DPP4: variants seen among roughly 807,000 people sequenced by gnomAD.
DPP4 encodes the protein ADCP-2.
Under a neutral mutation model 122.4 loss-of-function variants are expected in DPP4, and 93 were observed. The ratio of observed to expected loss-of-function variants is 0.76; its 90% CI spans 0.64 to 0.90. The LOEUF (loss-of-function observed/expected upper bound fraction) is 0.90. DPP4 is among the 40% of genes least tolerant of loss of function. DPP4 has a pLI of 0.00. For missense variants in DPP4, 914 were observed against 907.3 expected (o/e 1.01, Z -0.09); for synonymous variants, 321 against 302.9 (o/e 1.06, Z -0.62).
At chr2:162,064,039 G>A (rs151249204) in intron 2 of DPP4, among the ~76,000 whole-genome samples, 1,760 of 152,244 alleles carry the variant, frequency 0.012, 23 homozygotes, top group East Asian at 0.038. Context: ...CTTGGGAGGG[G>A]AGCCGATACA....
chr2:162,064,903 C>A (rs1684898350), intron 2 of DPP4, among the ~76,000 whole-genome samples: 1 of 152,176 alleles, frequency 6.6e-6, no homozygotes, highest in South Asian at 2.1e-4. Context: ...TTTTGGAGAT[C>A]AGAGCTGGCT....
In DPP4 at chr2:162,045,569, T is replaced by C; in HGVS notation, c.329A>G (p.Asp110Gly). The change falls in exon 5 of 26, where the codon GAT becomes GGT. Residue 110 changes from aspartate (D) to glycine (G), a missense_variant. By Grantham distance (94) the Asp-to-Gly change is moderately conservative. Transcript: ENST00000360534. ...HSINDYSISPDGQFILLEYNY... is the reference protein window; with the variant it reads ...HSINDYSISPGGQFILLEYNY... ...GTATTCTAAGAGAATAAACTGCCCATCAGGAGATATTGAATAATCATTGAT... is the reference window on the plus strand; with the variant it reads ...GTATTCTAAGAGAATAAACTGCCCACCAGGAGATATTGAATAATCATTGAT... 1 of 1,612,856 alleles carries C rather than the reference T, an allele frequency of 6.2e-7. No individual in the cohort carries two copies. Among genetic ancestry groups the C allele is most frequent in the Non-Finnish European group, 8.5e-7 (1 of 1,179,026 alleles).
chr2:162,009,124 C>T (rs1415193058), intron 21 of DPP4, 117 bp downstream of exon 21: 1 of 1,082,974 alleles, frequency 9.2e-7, no homozygotes, highest in Non-Finnish European at 1.4e-6. Flanking sequence ...GCCCAGAGAC[C>T]TAAGACTTGA....
chr2:162,035,027 C>T (rs1008631167), intron 9 of DPP4, 137 bp downstream of exon 9: 6 of 750,460 alleles, frequency 8.0e-6, no homozygotes, highest in East Asian at 2.7e-5. Flanking sequence ...TTGCCAGATG[C>T]TGTTGACTTC....
intron 2 of DPP4, among the ~76,000 whole-genome samples, chr2:162,048,910 C>G (rs1404625673): frequency 6.6e-6 from 1 of 152,172 alleles, no homozygotes; most frequent in Non-Finnish European, 1.5e-5. Context: ...CAGTTCAATT[C>G]CACAGTAGGC....
chr2:162,039,182 T>C lies in DPP4; in HGVS notation c.369A>G (p.Gln123=), dbSNP rs748199593. 4 of 1,612,322 alleles carry C rather than the reference T, an allele frequency of 2.5e-6. No homozygotes were observed. Among genetic ancestry groups the C allele is most frequent in the Non-Finnish European group, 3.4e-6 (4 of 1,179,274 alleles). Residue 123 remains glutamine, a splice_region_variant and synonymous_variant, in exon 6 of 26, where the codon CAA becomes CAG. Coordinates refer to ENST00000360534, the MANE Select transcript of DPP4 (RefSeq NM_001935.4). Reference sequence around the variant, plus strand: ...ATGAAGCTGTGTAGGAATGCCTCCATTGCTATGAAAGAAAACAGACATTTC... The same window carrying C: ...ATGAAGCTGTGTAGGAATGCCTCCACTGCTATGAAAGAAAACAGACATTTC... ...FILLEYNYVK[Q]WRHSYTASYD...
chr2:162,051,535 A>G (rs1684383988), intron 2 of DPP4, among the ~76,000 whole-genome samples: 1 of 152,276 alleles, frequency 6.6e-6, no homozygotes, highest in Admixed American at 6.5e-5. Context: ...GTTGTTAAAA[A>G]CAGGCAAAAG....
chr2:162,015,707 T>C (rs1045618123), intron 18 of DPP4, among the ~76,000 whole-genome samples: 1 of 152,068 alleles, frequency 6.6e-6, no homozygotes, highest in Non-Finnish European at 1.5e-5. Flanking sequence ...CCATCCTACA[T>C]CCTGTCTCAA....
At chr2:162,049,292 C>T (rs1273446880) in intron 2 of DPP4, among the ~76,000 whole-genome samples, 2 of 152,190 alleles carry the variant, frequency 1.3e-5, no homozygotes, top group Non-Finnish European at 2.9e-5. Context: ...GAATACTATG[C>T]AGCCATGAAA....
In DPP4 at chr2:162,011,975, T is replaced by G. The variant is rs541319254; in HGVS notation, c.1650A>C (p.Pro550=). The G allele has an allele frequency of 6.2e-7, 1 of 1,612,986 alleles. No individual in the cohort carries two copies. Among genetic ancestry groups the G allele is most frequent in the Non-Finnish European group, 8.5e-7 (1 of 1,179,264 alleles). ...AGACAGTGTCTGCTTTTTGACTACATGGGCCTGCATACCTATGAAAAATAC... is the reference window on the plus strand; with the variant it reads ...AGACAGTGTCTGCTTTTTGACTACAGGGGCCTGCATACCTATGAAAAATAC... ...YPLLLDVYAG[P]CSQKADTVFR... is the part of the protein sequence containing the mutation. Residue 550 remains proline, a synonymous_variant, in exon 20 of 26, where the codon CCA becomes CCC. Transcript: ENST00000360534.
rs1700892031 is a variant in DPP4 at position 161,992,591 on chromosome 2, T to C, written c.*692A>G. On this transcript the variant is annotated 3_prime_UTR_variant, in exon 26 of 26. Transcript: ENST00000360534. Reference sequence around the variant, plus strand: ...TCCCATCACCCTTGCTGTGTTTTTGTAGCACCTATAGCCATAACTGGCACC... The same window carrying C: ...TCCCATCACCCTTGCTGTGTTTTTGCAGCACCTATAGCCATAACTGGCACC... 6.5e-6 allele frequency: 1 copy of C among 152,770 alleles called. No homozygotes were observed. The highest frequency in any genetic ancestry group is 6.5e-5 in the Admixed American group (1 of 15,284). 9.5% of individuals were successfully genotyped at this position (152,770 alleles called of 1,614,324 possible).
intron 10 of DPP4, among the ~76,000 whole-genome samples, chr2:162,026,464 G>T (rs1374823218): frequency 1.3e-5 from 2 of 152,118 alleles, no homozygotes; most frequent in Non-Finnish European, 2.9e-5. Context: ...GTATTCTCAG[G>T]AACACACCAT....
At position 162,017,098 on chromosome 2, in the gene DPP4, G is replaced by A. The variant is rs1559710111; in HGVS notation, c.1468+10C>T. On this transcript the variant is annotated intron_variant, in intron 17 of 25. Transcript: ENST00000360534. ...TAGAAACAAATGAAGAGTAAAATATGAGAAAATACCTTTATCATTCACGCT... is the reference window on the plus strand; with the variant it reads ...TAGAAACAAATGAAGAGTAAAATATAAGAAAATACCTTTATCATTCACGCT... 1 of 1,610,728 alleles carries A rather than the reference G, an allele frequency of 6.2e-7. No individual in the cohort carries two copies. Among genetic ancestry groups the A allele is most frequent in the Middle Eastern group, 2.1e-4 (1 of 4,876 alleles).
At chr2:162,071,956 G>A (rs1030931215) in intron 2 of DPP4, among the ~76,000 whole-genome samples, 3 of 152,140 alleles carry the variant, frequency 2.0e-5, no homozygotes, top group African/African-American at 4.8e-5. Flanking sequence ...AACTTCCAGC[G>A]ATGCTGTGAT....
chr2:161,997,737 G>C (rs1053934312), intron 23 of DPP4, among the ~76,000 whole-genome samples: 1 of 152,148 alleles, frequency 6.6e-6, no homozygotes, highest in Non-Finnish European at 1.5e-5. Context: ...GTTTATAAAA[G>C]CACTGCTATA....
intron 10 of DPP4, among the ~76,000 whole-genome samples, chr2:162,026,805 T>G (rs2106109700): frequency 6.6e-6 from 1 of 152,278 alleles, no homozygotes; most frequent in African/African-American, 2.4e-5. Flanking sequence ...AATAAATCTG[T>G]GCAAAGAGAA....
In DPP4 at chr2:162,063,860, A is replaced by C. The variant is rs75691168; in HGVS notation, c.94+9539T>G. 6.0e-3 allele frequency among the ~76,000 whole-genome samples: 914 copies of C among 152,308 alleles called. 9 individuals carry two copies. The highest frequency in any genetic ancestry group is 0.021 in the African/African-American group (884 of 41,550). On this transcript the variant is annotated intron_variant, in intron 2 of 25. Transcript: ENST00000360534. ...ACAGTTTCCTTCTTATTTTTTAAGA[A>C]TATGAGACACTACTGTATGTTCATG...
At chr2:162,053,475 A>T (rs1339439224) in intron 2 of DPP4, among the ~76,000 whole-genome samples, 1 of 152,246 alleles carries the variant, frequency 6.6e-6, no homozygotes, top group Non-Finnish European at 1.5e-5. Context: ...AAAGTTTACA[A>T]ATTTGTGTTG....
chr2:162,062,224 G>A (rs1353471973), intron 2 of DPP4, among the ~76,000 whole-genome samples: 4 of 152,200 alleles, frequency 2.6e-5, no homozygotes, highest in Admixed American at 6.5e-5. Context: ...AGTGGTTGCA[G>A]TGAGCTGAGA....
Sources: gnomAD v4.1 joint callset for allele counts (sites outside exome capture counted in the v4.1 genomes callset) on GRCh38, gnomAD v4.1.1 for gene constraint, MANE v1.5 for transcripts, NCBI Gene and HGNC (gene_info 2026-07-23, HGNC 2026-07-21) for gene names.